The following SSBP2 variants were observed in gnomAD, a reference collection of about 807,000 sequenced individuals.
SSBP2 encodes single stranded DNA binding protein 2.
In SSBP2, 17 loss-of-function variants were observed where a neutral mutation model predicts 61.8. The ratio of observed to expected loss-of-function variants is 0.28; its 90% CI spans 0.19 to 0.41. The LOEUF (loss-of-function observed/expected upper bound fraction) is 0.41, where lower values mean the gene tolerates loss of function less well. SSBP2 is among the 10% of genes least tolerant of loss of function. The probability of loss-of-function intolerance (pLI) is 1.00; values close to 1 mark genes in which losing one functional copy is unlikely to be tolerated. For synonymous variants in SSBP2, 139 were observed against 141.3 expected (o/e 0.98, Z 0.12); for missense variants, 310 against 458.7 (o/e 0.68, Z 2.96).
At chr5:81,605,380 G>A (rs1435972519) in intron 4 of SSBP2, among the ~76,000 whole-genome samples, 2 of 152,188 alleles carry the variant, frequency 1.3e-5, no homozygotes, top group East Asian at 1.9e-4. Context: ...AGGAATCGCA[G>A]TTCAACTTTA....
chr5:81,673,644 G>C (rs1265318869), intron 1 of SSBP2, among the ~76,000 whole-genome samples: 1 of 152,156 alleles, frequency 6.6e-6, no homozygotes, highest in Non-Finnish European at 1.5e-5. Flanking sequence ...GAGGAGAAAA[G>C]AGACAAGTCA....
intron 4 of SSBP2, among the ~76,000 whole-genome samples, chr5:81,575,097 G>C (rs868402374): frequency 3.3e-5 from 5 of 152,120 alleles, no homozygotes; most frequent in South Asian, 4.2e-4. Flanking sequence ...GTGAAACCCC[G>C]TCTCTACTAA....
chr5:81,719,855 G>T (rs1224999652), intron 1 of SSBP2, among the ~76,000 whole-genome samples: 2 of 152,140 alleles, frequency 1.3e-5, no homozygotes, highest in Admixed American at 6.6e-5. Flanking sequence ...GCTCCAGGGT[G>T]TAAGAACCAT....
chr5:81,503,184 G>C (rs1303592264), intron 5 of SSBP2, among the ~76,000 whole-genome samples: 1 of 152,182 alleles, frequency 6.6e-6, no homozygotes, highest in Non-Finnish European at 1.5e-5. Context: ...GCTGGGCGTG[G>C]TGGCTCATAC....
At chr5:81,745,849 A>T (rs1319502296) in intron 1 of SSBP2, among the ~76,000 whole-genome samples, 1 of 152,128 alleles carries the variant, frequency 6.6e-6, no homozygotes, top group Non-Finnish European at 1.5e-5. Flanking sequence ...TACTGAGGTG[A>T]AGTATTAATA....
chr5:81,575,275 C>CA lies in SSBP2; in HGVS notation c.282+40197dup, dbSNP rs961527732. Among the ~76,000 whole-genome samples the CA allele has an allele frequency of 2.2e-4, 33 of 151,160 alleles. 1 individual carries two copies. Among genetic ancestry groups the CA allele is most frequent in the Admixed American group, 1.2e-3 (18 of 15,184 alleles). ...AGAGCGAGACTTCGTCTCAAAAAAA[C>CA]AAAAAAAAGCTCAGAGGTGCAGGAA... On this transcript the variant is annotated intron_variant, in intron 4 of 16. Transcript: ENST00000320672.
At chr5:81,439,656 C>G (rs1293672549) in intron 14 of SSBP2, among the ~76,000 whole-genome samples, 1 of 148,816 alleles carries the variant, frequency 6.7e-6, no homozygotes, top group East Asian at 2.0e-4. Context: ...GCCCAGCACC[C>G]TGCCCAGCTA....
intron 5 of SSBP2, among the ~76,000 whole-genome samples, chr5:81,504,299 C>T (rs182755877): frequency 2.0e-5 from 3 of 152,256 alleles, no homozygotes; most frequent in African/African-American, 7.2e-5. Context: ...GACTAATCTC[C>T]ATGTGCAGCC....
At chr5:81,588,785 C>A (rs546033754) in intron 4 of SSBP2, among the ~76,000 whole-genome samples, 1 of 152,032 alleles carries the variant, frequency 6.6e-6, no homozygotes, top group Admixed American at 6.6e-5. Context: ...TGTTAATGGG[C>A]CCGTGCAGTG....
chr5:81,611,371 T>C (rs914979688), intron 4 of SSBP2, among the ~76,000 whole-genome samples: 1 of 152,248 alleles, frequency 6.6e-6, no homozygotes, highest in African/African-American at 2.4e-5. Context: ...TCATTTTAAA[T>C]GAAGCTGGAT....
In SSBP2 at chr5:81,419,249, A is replaced by G. The variant is rs2153879261; in HGVS notation, c.*1255T>C. 1 of 152,358 alleles carries G rather than the reference A, an allele frequency of 6.6e-6. No homozygotes were observed. The highest frequency in any genetic ancestry group is 2.1e-4 in the South Asian group (1 of 4,830). The allele number at this position is 152,358 out of a possible 1,614,324, so 9.4% of individuals were successfully genotyped here. A position where few individuals can be genotyped will look rare whatever the true frequency, so the allele number is the denominator to read the frequency against. On this transcript the variant is annotated 3_prime_UTR_variant, in exon 17 of 17. Coordinates refer to ENST00000320672, the MANE Select transcript of SSBP2 (RefSeq NM_012446.5). ...GCTAGATAAAGCAAAGTTACTATCA[A>G]TGATTTGCTCCTGAATAAAAGCCTT...
At chr5:81,527,553 G>A (rs1198665153) in intron 4 of SSBP2, among the ~76,000 whole-genome samples, 2 of 151,996 alleles carry the variant, frequency 1.3e-5, no homozygotes, top group African/African-American at 2.4e-5. Flanking sequence ...AGTTAATCTA[G>A]AATATGTAAA....
chr5:81,448,179 T>C (rs1394217765), intron 11 of SSBP2: 4 of 152,504 alleles, frequency 2.6e-5, no homozygotes, highest in Non-Finnish European at 5.9e-5. Context: ...GCTAGGATCA[T>C]AATGTGATGA....
intron 4 of SSBP2, among the ~76,000 whole-genome samples, chr5:81,573,539 T>C (rs772628900): frequency 1.4e-4 from 22 of 152,332 alleles, no homozygotes; most frequent in East Asian, 3.9e-4. Context: ...GGCATAGATA[T>C]CACTCATAGG....
chr5:81,591,873 T>C (rs1299480618), intron 4 of SSBP2, among the ~76,000 whole-genome samples: 4 of 152,158 alleles, frequency 2.6e-5, no homozygotes, highest in Non-Finnish European at 5.9e-5. Context: ...GATGGCCGAA[T>C]AGGAACAGCT....
chr5:81,706,641 A>G (rs1379828727), intron 1 of SSBP2, among the ~76,000 whole-genome samples: 1 of 152,186 alleles, frequency 6.6e-6, no homozygotes, highest in East Asian at 1.9e-4. Flanking sequence ...ATGATACAAA[A>G]AGGAAAATCC....
chr5:81,734,875 G>A (rs192257259), intron 1 of SSBP2, among the ~76,000 whole-genome samples: 40 of 151,474 alleles, frequency 2.6e-4, no homozygotes, highest in African/African-American at 8.7e-4. Flanking sequence ...GGAGGCTGAG[G>A]CAGGATAATG....
chr5:81,558,935 T>C (rs938006920), intron 4 of SSBP2, among the ~76,000 whole-genome samples: 1 of 152,204 alleles, frequency 6.6e-6, no homozygotes, highest in African/African-American at 2.4e-5. Flanking sequence ...AGTATCTTCC[T>C]CAGCATGATT....
chr5:81,594,541 T>A (rs1446862619), intron 4 of SSBP2, among the ~76,000 whole-genome samples: 4 of 152,150 alleles, frequency 2.6e-5, no homozygotes, highest in African/African-American at 9.7e-5. Flanking sequence ...GAATATACAT[T>A]CTTTTCAGCA....
Sources: allele counts gnomAD v4.1 joint callset (sites outside exome capture counted in the v4.1 genomes callset), GRCh38; gene constraint gnomAD v4.1.1; transcripts MANE v1.5; gene names NCBI Gene and HGNC (gene_info 2026-07-23, HGNC 2026-07-21).